Variants in TMEM131 observed in about 807,000 individuals in gnomAD.
The protein encoded by TMEM131 is transmembrane protein 131, also known as 2610524E03Rik.
A neutral mutation model predicts 211.6 loss-of-function variants in TMEM131; 66 were observed. That is an observed-to-expected ratio of 0.31 (90% confidence interval 0.26 to 0.38). The LOEUF (loss-of-function observed/expected upper bound fraction) is 0.38, where lower values mean the gene tolerates loss of function less well. TMEM131 is among the 10% of genes least tolerant of loss of function. The pLI is 1.00. For synonymous variants in TMEM131, 844 were observed against 841.3 expected (o/e 1.00, Z -0.06); for missense variants, 2,036 against 2,299.3 (o/e 0.89, Z 2.34).
At chr2:97,891,688 G>T (rs1228456705) in intron 3 of TMEM131, among the ~76,000 whole-genome samples, 1 of 152,098 alleles carries the variant, frequency 6.6e-6, no homozygotes, top group Admixed American at 6.5e-5. Context: ...GTCTCTGGGA[G>T]TTTAAAATGT....
In TMEM131 at chr2:97,756,971, G is replaced by C; in HGVS notation, c.*128C>G. On this transcript the variant is annotated 3_prime_UTR_variant, in exon 41 of 41. Coordinates refer to ENST00000186436, the MANE Select transcript of TMEM131 (RefSeq NM_015348.2). Reference sequence around the variant, plus strand: ...GAGTGGTCTGAGCCTGCCCTGCTTGGGTCTGTTTTGCAAAGAAGAGGAGGG... The same window carrying C: ...GAGTGGTCTGAGCCTGCCCTGCTTGCGTCTGTTTTGCAAAGAAGAGGAGGG... 8.9e-7 allele frequency: 1 copy of C among 1,129,472 alleles called. No individual in the cohort carries two copies. The highest frequency in any genetic ancestry group is 1.2e-6 in the Non-Finnish European group (1 of 820,646). 70.0% of individuals were successfully genotyped at this position (1,129,472 alleles called of 1,614,324 possible).
chr2:97,795,083 A>G lies in TMEM131; in HGVS notation c.3233T>C (p.Ile1078Thr). ...GGTTGTTATAAACTTCAGTTCCCGAATAACTCTAGAAGCTGTAAAATCAGG... is the reference window on the plus strand; with the variant it reads ...GGTTGTTATAAACTTCAGTTCCCGAGTAACTCTAGAAGCTGTAAAATCAGG... ...FTPDFTASRV[I>T]RELKFITTSG... is the part of the protein sequence containing the mutation. The change falls in exon 29 of 41, where the codon ATT (isoleucine) becomes ACT (threonine). Residue 1078 changes from isoleucine (I) to threonine (T), a missense_variant. Physicochemically the swap from Ile to Thr is moderately conservative, Grantham distance 89. Around this residue, in one of 3 missense-constraint regions of TMEM131, gnomAD observed 1,623 missense variants for 1,805.9 expected, o/e 0.90. Coordinates refer to ENST00000186436, the MANE Select transcript of TMEM131 (RefSeq NM_015348.2). 3.7e-6 allele frequency: 6 copies of G among 1,613,786 alleles called. No individual in the cohort carries two copies. Among genetic ancestry groups the G allele is most frequent in the Non-Finnish European group, 5.1e-6 (6 of 1,179,770 alleles).
intron 1 of TMEM131, among the ~76,000 whole-genome samples, chr2:97,974,534 AACT>A (rs1458439702): frequency 6.6e-6 from 1 of 152,230 alleles, no homozygotes. Context: ...ACATGAAAAA[AACT>A]ACACCAAGAG....
intron 11 of TMEM131, among the ~76,000 whole-genome samples, chr2:97,823,540 C>T (rs1010590076): frequency 3.9e-5 from 6 of 152,088 alleles, no homozygotes; most frequent in African/African-American, 1.4e-4. Context: ...GTGTCTTAGC[C>T]AAGTAAATGA....
intron 5 of TMEM131, among the ~76,000 whole-genome samples, chr2:97,854,255 A>G (rs1673750136): frequency 6.6e-6 from 1 of 152,226 alleles, no homozygotes; most frequent in Admixed American, 6.5e-5. Flanking sequence ...TTTTAGCAAT[A>G]AAGTATTTTT....
At chr2:97,824,880 T>A (rs1682300920) in intron 11 of TMEM131, among the ~76,000 whole-genome samples, 1 of 151,996 alleles carries the variant, frequency 6.6e-6, no homozygotes, top group Non-Finnish European at 1.5e-5. Context: ...AAAAACCGAA[T>A]GGTCAGTGGA....
intron 4 of TMEM131, among the ~76,000 whole-genome samples, chr2:97,882,584 G>A (rs1674980606): frequency 6.6e-6 from 1 of 152,198 alleles, no homozygotes; most frequent in Non-Finnish European, 1.5e-5. Flanking sequence ...CTGTGGACAA[G>A]AAACTTCAGT....
At chr2:97,795,213 G>T in intron 28 of TMEM131, 98 bp from the exon 29 acceptor site, 1 of 831,872 alleles carries the variant, frequency 1.2e-6, no homozygotes, top group South Asian at 2.3e-5. Context: ...ATATAACACA[G>T]AATTTGCGTT....
At chr2:97,859,542 T>C in intron 4 of TMEM131, 115 bp from the exon 5 acceptor site, 1 of 896,614 alleles carries the variant, frequency 1.1e-6, no homozygotes, top group Non-Finnish European at 1.6e-6. Flanking sequence ...TATATTAAAA[T>C]GCTTTCTGAA....
chr2:97,790,935 T>G (rs975949597), intron 31 of TMEM131, among the ~76,000 whole-genome samples: 2 of 152,188 alleles, frequency 1.3e-5, no homozygotes, highest in African/African-American at 2.4e-5. Context: ...ACTAAAAAAT[T>G]ATCTAAAACT....
rs1320758629 is a variant in TMEM131, at chr2:97,941,902, T to TCAA, written c.188-14416_188-14415insTTG. ...GGACTGTAAACTAGTTCAACCATTG[T>TCAA]GGAAGACAGTGGGGCGATTCCTCAA... On this transcript the variant is annotated intron_variant, in intron 1 of 40. Coordinates refer to ENST00000186436, the MANE Select transcript of TMEM131 (RefSeq NM_015348.2). 3.3e-5 allele frequency among the ~76,000 whole-genome samples: 5 copies of TCAA among 152,332 alleles called. No homozygotes were observed. In the East Asian group the frequency reaches 9.6e-4, roughly 29 times the overall value.
intron 2 of TMEM131, among the ~76,000 whole-genome samples, chr2:97,914,274 T>C (rs1676412548): frequency 6.6e-6 from 1 of 152,226 alleles, no homozygotes; most frequent in Non-Finnish European, 1.5e-5. Flanking sequence ...TAAAAAGAGC[T>C]ATATTTTAAC....
At chr2:97,984,626 G>C (rs1431809338) in intron 1 of TMEM131, among the ~76,000 whole-genome samples, 1 of 151,540 alleles carries the variant, frequency 6.6e-6, no homozygotes, top group Non-Finnish European at 1.5e-5. Flanking sequence ...GAACTCTCTT[G>C]GAAATTAAAT....
chr2:97,813,835 A>G, intron 15 of TMEM131, 136 bp downstream of exon 15: 1 of 704,266 alleles, frequency 1.4e-6, no homozygotes, highest in Non-Finnish European at 2.2e-6. Context: ...GAAAGGTAAA[A>G]ACTGACTAGG....
chr2:97,874,616 G>A (rs1674617293), intron 4 of TMEM131, among the ~76,000 whole-genome samples: 1 of 152,160 alleles, frequency 6.6e-6, no homozygotes, highest in South Asian at 2.1e-4. Context: ...TTCATATCCA[G>A]CCAAACTAAG....
chr2:97,793,698 A>G, intron 29 of TMEM131, 145 bp from the exon 30 acceptor site: 1 of 847,820 alleles, frequency 1.2e-6, no homozygotes, highest in Non-Finnish European at 1.8e-6. Context: ...TTTAACAGAC[A>G]AAACCCACAG....
intron 1 of TMEM131, among the ~76,000 whole-genome samples, chr2:97,932,924 T>C (rs1294516589): frequency 1.3e-5 from 2 of 152,086 alleles, no homozygotes; most frequent in Non-Finnish European, 2.9e-5. Flanking sequence ...GCATAGATGA[T>C]GGTGGCTCCA....
Position 97,766,459 on chromosome 2 carries a change from GA to G in TMEM131, c.4573+18del, listed in dbSNP as rs781116149. The G allele has an allele frequency of 1.2e-6, 2 of 1,613,848 alleles. No individual in the cohort carries two copies. The highest frequency in any genetic ancestry group is 1.7e-6 in the Non-Finnish European group (2 of 1,179,844). On this transcript the variant is annotated intron_variant, in intron 34 of 40. Coordinates refer to ENST00000186436, the MANE Select transcript of TMEM131 (RefSeq NM_015348.2). ...AAAAGATCCGTAAGACATGATCATA[GA>G]GAACAAGATGACAATACCTTTTGTT...
At chr2:97,778,428 G>C (rs1377928684) in intron 31 of TMEM131, among the ~76,000 whole-genome samples, 1 of 152,088 alleles carries the variant, frequency 6.6e-6, no homozygotes, top group Non-Finnish European at 1.5e-5. Flanking sequence ...GCATGTGCCT[G>C]TAATCCCAGT....
Sources: allele counts gnomAD v4.1 joint callset (sites outside exome capture counted in the v4.1 genomes callset), GRCh38; gene constraint gnomAD v4.1.1; regional missense constraint gnomAD v4.1.1; transcripts MANE v1.5; gene names NCBI Gene and HGNC (gene_info 2026-07-23, HGNC 2026-07-21).